ZFC3H1: variants seen among roughly 807,000 people sequenced by gnomAD.
ZFC3H1 encodes zinc finger C3H1-type containing, also known as zinc finger C3H1 domain-containing protein.
Under a neutral mutation model 243.7 loss-of-function variants are expected in ZFC3H1, and 71 were observed. The observed-to-expected ratio is 0.29, with a 90% confidence interval of 0.24 to 0.36. The LOEUF (loss-of-function observed/expected upper bound fraction) is 0.36, where lower values mean the gene tolerates loss of function less well. Among genes scored for constraint, ZFC3H1 ranks in the 10% least tolerant of loss-of-function variants. The pLI, the probability that ZFC3H1 is intolerant of heterozygous loss-of-function variation, is 1.00. For missense variants in ZFC3H1, 1,966 were observed against 2,317.1 expected (o/e 0.85, Z 3.11); for synonymous variants, 838 against 813.0 (o/e 1.03, Z -0.52).
intron 2 of ZFC3H1, among the ~76,000 whole-genome samples, chr12:71,648,966 C>T (rs1269435829): frequency 4.0e-5 from 6 of 151,854 alleles, no homozygotes; most frequent in Non-Finnish European, 7.4e-5. Context: ...TGGTGCACGC[C>T]TGTAGTCCCA....
chr12:71,652,364 C>A (rs1366644952), intron 2 of ZFC3H1, among the ~76,000 whole-genome samples: 2 of 152,136 alleles, frequency 1.3e-5, no homozygotes, highest in East Asian at 1.9e-4. Context: ...AATTCAAATT[C>A]TTTAGCAAAA....
At chr12:71,660,233 C>A (rs988565870) in intron 1 of ZFC3H1, 1 of 152,094 alleles carries the variant, frequency 6.6e-6, no homozygotes, top group Non-Finnish European at 1.5e-5. Context: ...CTGAGTACAA[C>A]CTTGATATTA....
chr12:71,616,704 T>G (rs1879902420), intron 27 of ZFC3H1, among the ~76,000 whole-genome samples: 1 of 152,188 alleles, frequency 6.6e-6, no homozygotes, highest in Non-Finnish European at 1.5e-5. Flanking sequence ...TTATCTTAAA[T>G]TTTTAAATAA....
chr12:71,626,563 G>A, intron 21 of ZFC3H1, 117 bp from the exon 22 acceptor site: 1 of 928,252 alleles, frequency 1.1e-6, no homozygotes. Context: ...TTACCAAGAA[G>A]TCAGGATCAC....
Position 71,610,788 on chromosome 12 carries a change from A to G in ZFC3H1, c.5770-31T>C, listed in dbSNP as rs777585935. 5 of 1,594,508 alleles carry G rather than the reference A, an allele frequency of 3.1e-6. No individual in the cohort carries two copies. In the East Asian group the frequency reaches 1.1e-4, roughly 36 times the overall value. On this transcript the variant is annotated intron_variant, in intron 33 of 34. Coordinates refer to ENST00000378743, the MANE Select transcript of ZFC3H1 (RefSeq NM_144982.5). ...AGATAGATATACACACAATTCCATCAGAAAATATAATGAAAAACACCTTCA... is the reference window on the plus strand; with the variant it reads ...AGATAGATATACACACAATTCCATCGGAAAATATAATGAAAAACACCTTCA...
rs1012252151 is a variant in ZFC3H1, at chr12:71,609,611, T to C, written c.*817A>G. On this transcript the variant is annotated 3_prime_UTR_variant, in exon 35 of 35. Coordinates refer to ENST00000378743, the MANE Select transcript of ZFC3H1 (RefSeq NM_144982.5). ...AAGACAGCAAGAGTTTTTAGAAAGT[T>C]AACTTATATTAAAAAAGTATATAAA... The C allele has an allele frequency of 6.6e-6, 1 of 152,156 alleles. No homozygotes were observed. Among genetic ancestry groups the C allele is most frequent in the African/African-American group, 2.4e-5 (1 of 41,438 alleles). The allele number at this position is 152,156 out of a possible 1,614,324, so 9.4% of individuals were successfully genotyped here. A position where few individuals can be genotyped will look rare whatever the true frequency, so the allele number is the denominator to read the frequency against.
At chr12:71,619,037 A>G (rs895197029) in intron 27 of ZFC3H1, among the ~76,000 whole-genome samples, 2 of 152,242 alleles carry the variant, frequency 1.3e-5, no homozygotes, top group Non-Finnish European at 2.9e-5. Flanking sequence ...AAGTACTAAA[A>G]TTAACAACAA....
intron 3 of ZFC3H1, among the ~76,000 whole-genome samples, chr12:71,646,759 T>C (rs1377520530): frequency 2.0e-5 from 3 of 152,228 alleles, no homozygotes; most frequent in Non-Finnish European, 2.9e-5. Context: ...GTGACACTTT[T>C]GATTACTTTT....
chr12:71,652,859 T>C (rs770910377), intron 2 of ZFC3H1, among the ~76,000 whole-genome samples: 9 of 151,696 alleles, frequency 5.9e-5, no homozygotes, highest in East Asian at 1.9e-4. Flanking sequence ...CCAGTGAGGG[T>C]TGAACTGATT....
rs977658476 is a variant in ZFC3H1 at position 71,617,970 on chromosome 12, A to G, written c.5144+1345T>C. The stretch of plus-strand genomic sequence containing the variant: ...TAAATAAAACTGCCATGTTCACAAC[A>G]AGTTCTAGGGTGGACCGGGCGCAGT... On this transcript the variant is annotated intron_variant, in intron 27 of 34. Transcript: ENST00000378743. Among the ~76,000 whole-genome samples the G allele has an allele frequency of 3.9e-5, 6 of 152,132 alleles. No homozygotes were observed. In the South Asian group the frequency reaches 1.0e-3, roughly 26 times the overall value.
chr12:71,626,076 T>G (rs1176226061), intron 22 of ZFC3H1, among the ~76,000 whole-genome samples, 184 bp downstream of exon 22: 1 of 152,156 alleles, frequency 6.6e-6, no homozygotes, highest in East Asian at 1.9e-4. Flanking sequence ...TTCTTCTTGC[T>G]TAGTCTAAAT....
intron 2 of ZFC3H1, among the ~76,000 whole-genome samples, chr12:71,648,407 A>G (rs1048125637): frequency 6.6e-6 from 1 of 152,230 alleles, no homozygotes; most frequent in Non-Finnish European, 1.5e-5. Flanking sequence ...TACCTAATCT[A>G]CAACAGCTTT....
chr12:71,634,477 CTT>C (rs1880409559), intron 11 of ZFC3H1, among the ~76,000 whole-genome samples, 173 bp from the exon 12 acceptor site: 1 of 152,266 alleles, frequency 6.6e-6, no homozygotes, highest in East Asian at 1.9e-4. Flanking sequence ...GAGTCCTTCT[CTT>C]TGAGTGTTTT....
chr12:71,645,102 A>T, intron 3 of ZFC3H1, 27 bp from the exon 4 acceptor site: 5 of 1,548,488 alleles, frequency 3.2e-6, no homozygotes, highest in Non-Finnish European at 4.3e-6. Flanking sequence ...AAGAGCTAAA[A>T]TTTTTTAATT....
At chr12:71,626,585 G>T (rs1226879243) in intron 21 of ZFC3H1, 139 bp from the exon 22 acceptor site, 4 of 746,268 alleles carry the variant, frequency 5.4e-6, no homozygotes, top group Non-Finnish European at 8.0e-6. Flanking sequence ...TATGAAAAGG[G>T]GTACTAGATT....
intron 31 of ZFC3H1, 51 bp from the exon 32 acceptor site, chr12:71,611,938 C>G: frequency 1.8e-6 from 2 of 1,128,728 alleles, no homozygotes; most frequent in Admixed American, 1.9e-5. Context: ...TGTAACGAAC[C>G]CCAAATGTGC....
rs775945406 is a variant in ZFC3H1, at chr12:71,631,828, T to C, written c.3420A>G (p.Pro1140=). The part of the protein sequence containing the change: ...TAQSKTMEVK[P]CPFRPYHSPL... ...GACTATGGTAGGGTCTAAAAGGACA[T>C]GGCTTCACTTCCATTGTTTTACTTT... is the stretch of plus-strand genomic sequence containing the variant. The change falls in exon 16 of 35, where the codon CCA becomes CCG. Residue 1140 remains proline, a synonymous_variant. Transcript: ENST00000378743. The C allele has an allele frequency of 4.3e-6, 7 of 1,613,708 alleles. No individual in the cohort carries two copies. The Admixed American group carries it at 6.7e-5, about 15-fold the overall frequency.
intron 1 of ZFC3H1, among the ~76,000 whole-genome samples, chr12:71,660,703 G>C (rs1226926426): frequency 6.6e-6 from 1 of 151,978 alleles, no homozygotes; most frequent in Admixed American, 6.6e-5. Flanking sequence ...AAAAACCTTT[G>C]AGCTCCCATA....
rs1486660979 is a variant in ZFC3H1 at position 71,644,072 on chromosome 12, T to A, written c.1503+23A>T. On this transcript the variant is annotated intron_variant, in intron 5 of 34. Transcript: ENST00000378743. Reference sequence around the variant, plus strand: ...AAGGAAACTTAGAGTAACGTTTTGATTTTATATTTTTGCATTTCTTACTTT... The same window carrying A: ...AAGGAAACTTAGAGTAACGTTTTGAATTTATATTTTTGCATTTCTTACTTT... 3 of 1,587,878 alleles carry A rather than the reference T, an allele frequency of 1.9e-6. No individual in the cohort carries two copies. In the African/African-American group the frequency reaches 4.0e-5, roughly 21 times the overall value.
Sources: gnomAD v4.1 joint callset for allele counts (sites outside exome capture counted in the v4.1 genomes callset) on GRCh38, gnomAD v4.1.1 for gene constraint, MANE v1.5 for transcripts, NCBI Gene and HGNC (gene_info 2026-07-23, HGNC 2026-07-21) for gene names.